CDH13: variants seen among roughly 807,000 people sequenced by gnomAD.
The protein encoded by CDH13 is cadherin-13.
A neutral mutation model predicts 63.8 loss-of-function variants in CDH13; 24 were observed. The observed-to-expected ratio is 0.38, with a 90% confidence interval of 0.27 to 0.53. The LOEUF (loss-of-function observed/expected upper bound fraction) is 0.53. Ranked by LOEUF, CDH13 falls within the 20% of genes least tolerant of loss-of-function variation. The pLI is 0.85. For synonymous variants in CDH13, 503 were observed against 355.3 expected, an observed-to-expected ratio of 1.42 and a Z score of -4.67; for missense variants, 1,049 against 903.1, an observed-to-expected ratio of 1.16 and a Z score of -2.07.
chr16:83,588,591 C>G (rs1033799733), intron 7 of CDH13, among the ~76,000 whole-genome samples: 3 of 152,140 alleles, frequency 2.0e-5, no homozygotes, highest in Non-Finnish European at 2.9e-5. Flanking sequence ...CTTGCCCTCA[C>G]CAAGGGCTGT....
intron 6 of CDH13, among the ~76,000 whole-genome samples, chr16:83,449,448 C>A (rs183789347): frequency 6.6e-6 from 1 of 152,308 alleles, no homozygotes; most frequent in Non-Finnish European, 1.5e-5. Flanking sequence ...AGATCCTGTT[C>A]TAATGCAGAG....
intron 11 of CDH13, among the ~76,000 whole-genome samples, chr16:83,750,509 A>G (rs74034811): frequency 0.069 from 10,564 of 152,114 alleles, 1,259 homozygotes; most frequent in African/African-American, 0.24. Flanking sequence ...CATAGCATGT[A>G]CCTTATTTGG....
At chr16:83,654,603 C>A (rs1412732057) in intron 8 of CDH13, among the ~76,000 whole-genome samples, 2 of 152,134 alleles carry the variant, frequency 1.3e-5, no homozygotes, top group Admixed American at 6.6e-5. Flanking sequence ...TCATCTGTTT[C>A]ATCAGAGAGC....
chr16:83,217,254 G>T, intron 4 of CDH13, 91 bp from the exon 5 acceptor site: 2 of 1,305,034 alleles, frequency 1.5e-6, no homozygotes, highest in Non-Finnish European at 1.1e-6. Context: ...TGGCACCTGT[G>T]ATTAGTGAAT....
intron 5 of CDH13, among the ~76,000 whole-genome samples, chr16:83,316,972 AG>A (rs1199654626): frequency 6.6e-6 from 1 of 152,188 alleles, no homozygotes; most frequent in Non-Finnish European, 1.5e-5. Context: ...CCCATCTATG[AG>A]AACATAGCAG....
At chr16:82,892,515 A>G (rs1005180043) in intron 2 of CDH13, among the ~76,000 whole-genome samples, 11 of 152,218 alleles carry the variant, frequency 7.2e-5, no homozygotes, top group African/African-American at 2.2e-4. Context: ...GGTAAATGAC[A>G]GTCTGTGTAG....
At chr16:83,648,339 G>A (rs1399548494) in intron 8 of CDH13, among the ~76,000 whole-genome samples, 2 of 152,098 alleles carry the variant, frequency 1.3e-5, no homozygotes, top group African/African-American at 2.4e-5. Context: ...AGACTTAAGG[G>A]TCACTTTGAT....
chr16:83,567,590 G>T (rs930143892), intron 7 of CDH13, among the ~76,000 whole-genome samples: 3 of 152,034 alleles, frequency 2.0e-5, no homozygotes, highest in Non-Finnish European at 4.4e-5. Flanking sequence ...TTCGTCTGTT[G>T]TTTTTTGTTT....
intron 2 of CDH13, among the ~76,000 whole-genome samples, chr16:82,993,568 A>G (rs74746620): frequency 0.016 from 2,404 of 152,324 alleles, 29 homozygotes; most frequent in Non-Finnish European, 0.019. Flanking sequence ...GAAGTTTTCT[A>G]TAAGAATTTA....
rs374669824 is a variant in CDH13, at chr16:83,478,836, GA to G, written c.782-7624del. ...GGCCAGTAGAGTCTTTTGAAGATGA[GA>G]AAAAAAAAAAAAAAAAGAAAAAAAG... On this transcript the variant is annotated intron_variant, in intron 6 of 13. Coordinates refer to ENST00000567109, the MANE Select transcript of CDH13 (RefSeq NM_001257.5). Among the ~76,000 whole-genome samples the G allele has an allele frequency of 3.3e-3, 371 of 112,274 alleles. 2 individuals carry two copies. In the South Asian group the frequency reaches 0.051, roughly 15 times the overall value. 73.7% of individuals were successfully genotyped at this position (112,274 alleles called of 152,430 possible).
intron 10 of CDH13, among the ~76,000 whole-genome samples, chr16:83,722,258 C>T (rs1378219381): frequency 6.6e-6 from 1 of 152,194 alleles, no homozygotes; most frequent in African/African-American, 2.4e-5. Flanking sequence ...GTAATCCCAG[C>T]CTCAAACAAT....
At chr16:82,776,499 G>A (rs1180024466) in intron 1 of CDH13, among the ~76,000 whole-genome samples, 1 of 152,132 alleles carries the variant, frequency 6.6e-6, no homozygotes, top group Non-Finnish European at 1.5e-5. Context: ...GGACACAAAG[G>A]GAGCAGCTGG....
chr16:82,746,210 C>T (rs1249725358), intron 1 of CDH13, among the ~76,000 whole-genome samples: 2 of 87,750 alleles, frequency 2.3e-5, no homozygotes, highest in Non-Finnish European at 5.7e-5. Context: ...TATATAAACA[C>T]ACTGTTTATA....
At chr16:83,616,077 G>A (rs1473314928) in intron 8 of CDH13, among the ~76,000 whole-genome samples, 15 of 152,188 alleles carry the variant, frequency 9.9e-5, no homozygotes, top group Non-Finnish European at 1.5e-4. Flanking sequence ...TATAAGCAAC[G>A]ATCTACAAAT....
chr16:83,742,712 C>G (rs573986227), intron 10 of CDH13, among the ~76,000 whole-genome samples: 1 of 152,280 alleles, frequency 6.6e-6, no homozygotes, highest in African/African-American at 2.4e-5. Flanking sequence ...TCTCCCTCCA[C>G]ATCGGGAACG....
intron 6 of CDH13, among the ~76,000 whole-genome samples, chr16:83,469,395 A>G (rs2073398597): frequency 2.6e-5 from 4 of 152,188 alleles, no homozygotes; most frequent in Admixed American, 2.0e-4. Flanking sequence ...AGTGCTAAGT[A>G]TTAATCAAAT....
At chr16:83,450,615 A>G (rs914567235) in intron 6 of CDH13, among the ~76,000 whole-genome samples, 1 of 152,228 alleles carries the variant, frequency 6.6e-6, no homozygotes, top group Non-Finnish European at 1.5e-5. Flanking sequence ...TTATGCCTGT[A>G]ATCCCAGCAG....
intron 3 of CDH13, among the ~76,000 whole-genome samples, chr16:83,108,423 A>G (rs1459886172): frequency 6.6e-6 from 1 of 152,234 alleles, no homozygotes; most frequent in Non-Finnish European, 1.5e-5. Context: ...GTTATTGGAC[A>G]AAAAGGAATA....
chr16:83,255,120 A>T (rs934121805), intron 5 of CDH13, among the ~76,000 whole-genome samples: 14 of 152,024 alleles, frequency 9.2e-5, no homozygotes, highest in Non-Finnish European at 2.9e-5. Context: ...CTCTGCTATT[A>T]TTTTTAATAA....
Sources: allele counts gnomAD v4.1 joint callset (sites outside exome capture counted in the v4.1 genomes callset), GRCh38; gene constraint gnomAD v4.1.1; transcripts MANE v1.5; gene names NCBI Gene and HGNC (gene_info 2026-07-23, HGNC 2026-07-21).